ROBO1: variants seen among roughly 807,000 people sequenced by gnomAD.
ROBO1 encodes the protein roundabout guidance receptor 1, also known as roundabout homolog 1.
A neutral mutation model predicts 195.9 loss-of-function variants in ROBO1; 149 were observed. That is an observed-to-expected ratio of 0.76 (90% CI 0.67 to 0.87). The LOEUF (loss-of-function observed/expected upper bound fraction) is 0.87. ROBO1 is among the 40% of genes least tolerant of loss of function. The pLI is 0.00. For missense variants in ROBO1, 1,933 were observed against 2,068.3 expected, an observed-to-expected ratio of 0.93 and a Z score of 1.27; for synonymous variants, 816 against 733.2, an observed-to-expected ratio of 1.11 and a Z score of -1.82.
Position 79,547,376 on chromosome 3 carries a change from G to A in ROBO1, c.88+42448C>T, listed in dbSNP as rs530402336. 3.9e-5 allele frequency among the ~76,000 whole-genome samples: 6 copies of A among 151,902 alleles called. No individual in the cohort carries two copies. In the East Asian group the frequency reaches 1.2e-3, roughly 29 times the overall value. On this transcript the variant is annotated intron_variant, in intron 2 of 30. Transcript: ENST00000464233. ...GTCTGCAGATTTTATATGAACGTGA[G>A]GAGGAAAATGAGAACTAAGATGATT... is the stretch of plus-strand genomic sequence containing the variant.
intron 4 of ROBO1, among the ~76,000 whole-genome samples, chr3:78,830,649 G>A (rs1444174263): frequency 2.0e-5 from 3 of 152,126 alleles, no homozygotes; most frequent in African/African-American, 2.4e-5. Context: ...TGGGGAAACC[G>A]TTTCCATAAT....
chr3:78,650,723 C>T (rs1173071925), intron 19 of ROBO1, among the ~76,000 whole-genome samples: 1 of 152,058 alleles, frequency 6.6e-6, no homozygotes, highest in Non-Finnish European at 1.5e-5. Context: ...ATTTGCTTTG[C>T]AGCAAAGCAA....
intron 3 of ROBO1, among the ~76,000 whole-genome samples, chr3:79,043,462 A>G (rs950509276): frequency 1.5e-4 from 23 of 152,050 alleles, no homozygotes; most frequent in African/African-American, 5.6e-4. Context: ...AAAGGTCAAA[A>G]CCCATATCTA....
At position 79,017,450 on chromosome 3, in the gene ROBO1, A is replaced by AGTGTGTGT. The variant is rs60522056; in HGVS notation, c.173-78531_173-78524dup. 9.6e-3 allele frequency among the ~76,000 whole-genome samples: 1,281 copies of AGTGTGTGT among 133,478 alleles called. 15 individuals carry two copies. Among genetic ancestry groups the AGTGTGTGT allele is most frequent in the Middle Eastern group, 0.019 (5 of 262 alleles). The allele number at this position is 133,478 out of a possible 152,430, so 87.6% of individuals were successfully genotyped here. On this transcript the variant is annotated intron_variant, in intron 3 of 30. Coordinates refer to ENST00000464233, the MANE Select transcript of ROBO1 (RefSeq NM_002941.4). Reference sequence around the variant, plus strand: ...TGTGACTATAAAAATTCCGAGGTGCAGTGTGTGTGTGTGTGTGTGTGTGTG... The same window carrying AGTGTGTGT: ...TGTGACTATAAAAATTCCGAGGTGCAGTGTGTGTGTGTGTGTGTGTGTGTGTGTGTGTG...
At chr3:79,744,028 C>G (rs903126667) in intron 1 of ROBO1, among the ~76,000 whole-genome samples, 1 of 152,008 alleles carries the variant, frequency 6.6e-6, no homozygotes, top group Non-Finnish European at 1.5e-5. Flanking sequence ...TACACAAAAC[C>G]AGTAACATAG....
intron 1 of ROBO1, among the ~76,000 whole-genome samples, chr3:79,765,665 A>G (rs1704946656): frequency 6.6e-6 from 1 of 152,128 alleles, no homozygotes; most frequent in Admixed American, 6.6e-5. Context: ...TGTAATTATT[A>G]TATCCTAGTT....
chr3:79,564,513 G>A (rs1218182392), intron 2 of ROBO1, among the ~76,000 whole-genome samples: 1 of 152,026 alleles, frequency 6.6e-6, no homozygotes, highest in African/African-American at 2.4e-5. Context: ...GAGTATGGAA[G>A]GCTGAAGTCA....
intron 2 of ROBO1, among the ~76,000 whole-genome samples, chr3:79,177,446 T>C (rs1182477666): frequency 6.6e-6 from 1 of 152,150 alleles, no homozygotes; most frequent in African/African-American, 2.4e-5. Flanking sequence ...TAGGGATATA[T>C]AGGATGGGCG....
At chr3:79,212,792 C>T (rs961125965) in intron 2 of ROBO1, among the ~76,000 whole-genome samples, 3 of 151,148 alleles carry the variant, frequency 2.0e-5, no homozygotes, top group African/African-American at 4.9e-5. Context: ...TGCACTCTAG[C>T]CTGGACATCA....
At chr3:79,125,015 T>A (rs547511099) in intron 3 of ROBO1, among the ~76,000 whole-genome samples, 2 of 152,204 alleles carry the variant, frequency 1.3e-5, no homozygotes, top group East Asian at 3.9e-4. Context: ...ATGAATTACA[T>A]CGCTCTAAGA....
At chr3:78,987,662 G>T (rs1036957856) in intron 3 of ROBO1, among the ~76,000 whole-genome samples, 1 of 152,026 alleles carries the variant, frequency 6.6e-6, no homozygotes, top group Non-Finnish European at 1.5e-5. Context: ...CAAAAAAATA[G>T]TTAGAAAGAA....
chr3:79,767,736 C>A lies in ROBO1; in HGVS notation c.-51+16G>T, dbSNP rs1044899240. ...AGCCAGCTGTCACTTCCCTTGCAACCATTTCCGAGACTTACCCTTCCATAA... is the reference window on the plus strand; with the variant it reads ...AGCCAGCTGTCACTTCCCTTGCAACAATTTCCGAGACTTACCCTTCCATAA... On this transcript the variant is annotated intron_variant, in intron 1 of 30. Transcript: ENST00000464233. The A allele has an allele frequency of 1.3e-5, 2 of 152,232 alleles. No individual in the cohort carries two copies. The highest frequency in any genetic ancestry group is 4.8e-5 in the African/African-American group (2 of 41,432). 9.4% of individuals were successfully genotyped at this position (152,232 alleles called of 1,614,324 possible).
intron 2 of ROBO1, among the ~76,000 whole-genome samples, chr3:79,351,822 T>A (rs1057221148): frequency 6.6e-6 from 1 of 152,160 alleles, no homozygotes; most frequent in African/African-American, 2.4e-5. Context: ...AGAACCAACT[T>A]CTGGGAAATT....
At chr3:79,389,943 T>A (rs2081169550) in intron 2 of ROBO1, among the ~76,000 whole-genome samples, 1 of 152,132 alleles carries the variant, frequency 6.6e-6, no homozygotes, top group Non-Finnish European at 1.5e-5. Context: ...CATTTTGGTT[T>A]CTGTGTGAGG....
intron 2 of ROBO1, among the ~76,000 whole-genome samples, chr3:79,531,257 C>T (rs1346282732): frequency 6.6e-6 from 1 of 152,094 alleles, no homozygotes; most frequent in Non-Finnish European, 1.5e-5. Flanking sequence ...ATATACTGAG[C>T]ACCTACTAAT....
At chr3:78,693,909 T>C (rs1360921702) in intron 8 of ROBO1, among the ~76,000 whole-genome samples, 1 of 152,194 alleles carries the variant, frequency 6.6e-6, no homozygotes, top group Non-Finnish European at 1.5e-5. Context: ...ATACAGATTA[T>C]GATTCTACAG....
At chr3:78,599,148 G>C (rs1205019477) in intron 30 of ROBO1, among the ~76,000 whole-genome samples, 1 of 152,120 alleles carries the variant, frequency 6.6e-6, no homozygotes, top group African/African-American at 2.4e-5. Flanking sequence ...CAGTGCCCCG[G>C]TGTTGCGTGG....
intron 2 of ROBO1, among the ~76,000 whole-genome samples, chr3:79,536,793 TAAG>T (rs1941884021): frequency 6.6e-6 from 1 of 152,174 alleles, no homozygotes; most frequent in African/African-American, 2.4e-5. Flanking sequence ...GTATAGGACA[TAAG>T]GTCAAAATAC....
chr3:78,973,087 T>C (rs180914421), intron 3 of ROBO1, among the ~76,000 whole-genome samples: 1 of 152,364 alleles, frequency 6.6e-6, no homozygotes, highest in East Asian at 1.9e-4. Context: ...ATGCATTTTC[T>C]ATGGCTTGAG....
Sources: gnomAD v4.1 joint callset for allele counts (sites outside exome capture counted in the v4.1 genomes callset) on GRCh38, gnomAD v4.1.1 for gene constraint, MANE v1.5 for transcripts, NCBI Gene and HGNC (gene_info 2026-07-23, HGNC 2026-07-21) for gene names.